The following AKT2 variants were observed in gnomAD, a reference collection of about 807,000 sequenced individuals.
AKT2 encodes AKT serine/threonine kinase 2, also known as RAC-beta serine/threonine-protein kinase.
Under a neutral mutation model 58.6 loss-of-function variants are expected in AKT2, and 16 were observed. The ratio of observed to expected loss-of-function variants is 0.27; its 90% confidence interval spans 0.18 to 0.41. The LOEUF is 0.41. AKT2 is among the 10% of genes least tolerant of loss of function. AKT2 has a pLI of 1.00. For missense variants in AKT2, 438 were observed against 661.0 expected, an observed-to-expected ratio of 0.66 and a Z score of 3.70; for synonymous variants, 253 against 254.0, an observed-to-expected ratio of 1.00 and a Z score of 0.04.
At chr19:40,241,537 A>C (rs1974406060) in intron 6 of AKT2, 2 of 275,662 alleles carry the variant, frequency 7.3e-6, no homozygotes, top group African/African-American at 4.4e-5. Context: ...ATGTCTTTGG[A>C]ATCTTCCACT....
Position 40,240,127 on chromosome 19 carries a change from G to T in AKT2, c.574-17C>A, listed in dbSNP as rs761271203. 7.4e-6 allele frequency: 12 copies of T among 1,613,894 alleles called. No individual in the cohort carries two copies. In the Admixed American group the frequency reaches 2.0e-4, roughly 27 times the overall value. ...GACTTCATCCTGCAGACAGACTGCG[G>T]GTGAGGGGCTGGTGGGCAACACCAC... is the stretch of plus-strand genomic sequence containing the variant. On this transcript the variant is annotated splice_polypyrimidine_tract_variant and intron_variant, in intron 6 of 13. Coordinates refer to ENST00000392038, the MANE Select transcript of AKT2 (RefSeq NM_001626.6).
rs150206349 is a variant in AKT2, at chr19:40,237,990, G to A, written c.810C>T (p.Asp270=). ...TAACCTTGATGTCGCGGTATACCACGTCCCGCGAGTGCAAGTACTCAAGAG... is the reference window on the plus strand; with the variant it reads ...TAACCTTGATGTCGCGGTATACCACATCCCGCGAGTGCAAGTACTCAAGAG... ...VSALEYLHSR[D]VVYRDIKLEN... is the part of the protein sequence containing the mutation. Residue 270 remains aspartate, a synonymous_variant, in exon 9 of 14, where the codon GAC becomes GAT. Coordinates refer to ENST00000392038, the MANE Select transcript of AKT2 (RefSeq NM_001626.6). This position sits in a 1 kb window ranked among gnomAD's most constrained non-coding sequence, Gnocchi z 4.5. 65 of 1,613,480 alleles carry A rather than the reference G, an allele frequency of 4.0e-5. No homozygotes were observed. The highest frequency in any genetic ancestry group is 1.6e-4 in the Middle Eastern group (1 of 6,080).
intron 1 of AKT2, among the ~76,000 whole-genome samples, chr19:40,276,003 C>A (rs1331892260): frequency 2.7e-5 from 4 of 149,116 alleles, no homozygotes; most frequent in African/African-American, 5.0e-5. Context: ...CAGAGCAAGA[C>A]TCCGTCTCAA....
chr19:40,235,033 C>A lies in AKT2; in HGVS notation c.1366+12G>T. ...GGGCAGGCACACCAGCGCGGGGGCC[C>A]CAGGCACTCACAGCGGTCAGGGGGT... On this transcript the variant is annotated intron_variant, in intron 13 of 13. Transcript: ENST00000392038. This position sits in a 1 kb window ranked among gnomAD's most constrained non-coding sequence, Gnocchi z 6.3. 1 of 1,613,616 alleles carries A rather than the reference C, an allele frequency of 6.2e-7. No homozygotes were observed. Among genetic ancestry groups the A allele is most frequent in the Admixed American group, 1.7e-5 (1 of 60,018 alleles).
chr19:40,277,645 T>C (rs959432151), intron 1 of AKT2, among the ~76,000 whole-genome samples: 2 of 152,166 alleles, frequency 1.3e-5, no homozygotes, highest in Admixed American at 6.5e-5. Flanking sequence ...TCGCCTTCCT[T>C]GCGGCCTTTA....
In AKT2 at chr19:40,238,172, C is replaced by A; in HGVS notation, c.709-81G>T. 5 of 1,526,832 alleles carry A rather than the reference C, an allele frequency of 3.3e-6. No individual in the cohort carries two copies. The highest frequency in any genetic ancestry group is 4.4e-6 in the Non-Finnish European group (5 of 1,131,570). 94.6% of individuals were successfully genotyped at this position (1,526,832 alleles called of 1,614,324 possible). ...TCACCTTCCCAGCCCCCTGCCCCAG[C>A]GCAGTGATGTGGTGACACCTGTATC... On this transcript the variant is annotated intron_variant, in intron 8 of 13. Transcript: ENST00000392038. The surrounding 1 kb of genome is among the most constrained non-coding windows in gnomAD (Gnocchi z 5.1).
rs141765661 is a variant in AKT2, at chr19:40,256,595, G to A, written c.175+331C>T. Among the ~76,000 whole-genome samples the A allele has an allele frequency of 4.0e-3, 603 of 152,342 alleles. 2 individuals are homozygous for A. Among genetic ancestry groups the A allele is most frequent in the African/African-American group, 0.014 (582 of 41,582 alleles). On this transcript the variant is annotated intron_variant, in intron 3 of 13. Transcript: ENST00000392038. ...GTCCGAGGGACAGAGGATGGAGGCT[G>A]TTACCAAAGCACAGGATGGGAGGCA...
At chr19:40,248,870 G>C (rs1430384885) in intron 4 of AKT2, among the ~76,000 whole-genome samples, 7 of 136,498 alleles carry the variant, frequency 5.1e-5, no homozygotes, top group African/African-American at 1.7e-4. Flanking sequence ...GGGAGGAGTG[G>C]AGGAGATGAG....
At chr19:40,274,584 T>C (rs1209923001) in intron 1 of AKT2, 1 of 171,866 alleles carries the variant, frequency 5.8e-6, no homozygotes, top group Admixed American at 5.4e-5. Context: ...GAAGATTCAG[T>C]GCAGGGAAAG....
Position 40,280,190 on chromosome 19 carries a change from A to G in AKT2, c.-85+4991T>C, listed in dbSNP as rs533502326. 6.2e-4 allele frequency among the ~76,000 whole-genome samples: 95 copies of G among 152,352 alleles called. 1 individual carries two copies. In the South Asian group the frequency reaches 0.018, roughly 30 times the overall value. On this transcript the variant is annotated intron_variant, in intron 1 of 13. Transcript: ENST00000392038. ...CCCACGGCAGCGTGGACGCAGGGTC[A>G]GCGGGTGCTGTCTGTATCAGGTGTG...
rs76682828 is a variant in AKT2 at position 40,242,305 on chromosome 19, C to G, written c.441+229G>C. On this transcript the variant is annotated intron_variant, in intron 5 of 13. Transcript: ENST00000392038. The surrounding 1 kb of genome is among the most constrained non-coding windows in gnomAD (Gnocchi z 4.3). ...TGACGTGGGGGTAGCCAGGTCTTCA[C>G]CAACTCCCAGGACGAACCTGCAGTG... is the stretch of plus-strand genomic sequence containing the variant. The G allele has an allele frequency of 0.016, 14,189 of 867,770 alleles. 164 individuals carry two copies. Among genetic ancestry groups the G allele is most frequent in the Non-Finnish European group, 0.021 (11,849 of 557,178 alleles). 53.8% of individuals were successfully genotyped at this position (867,770 alleles called of 1,614,324 possible). A position where few individuals can be genotyped will look rare whatever the true frequency, so the allele number is the denominator to read the frequency against.
intron 1 of AKT2, chr19:40,282,400 A>AC: frequency 4.6e-6 from 2 of 437,200 alleles, no homozygotes; most frequent in Non-Finnish European, 4.6e-6. Context: ...TAGCTGTGTC[A>AC]CCCCCTGCAT....
chr19:40,271,601 G>T (rs982283350), intron 1 of AKT2, among the ~76,000 whole-genome samples: 5 of 152,138 alleles, frequency 3.3e-5, no homozygotes, highest in African/African-American at 1.2e-4. Context: ...CCAGCGTCTT[G>T]TGAGAACATT....
chr19:40,274,363 A>C (rs2077271200), intron 1 of AKT2: 1 of 153,318 alleles, frequency 6.5e-6, no homozygotes, highest in Non-Finnish European at 1.5e-5. Context: ...AAAACAAAAA[A>C]TCCTGCATTC....
chr19:40,246,938 G>A (rs912130968), intron 4 of AKT2, among the ~76,000 whole-genome samples: 37 of 152,230 alleles, frequency 2.4e-4, no homozygotes, highest in South Asian at 1.0e-3. Flanking sequence ...CGCGCAGGGC[G>A]GGGTGGAAGG....
At chr19:40,273,404 T>C (rs937492953) in intron 1 of AKT2, 5 of 150,858 alleles carry the variant, frequency 3.3e-5, no homozygotes, top group African/African-American at 1.2e-4. Flanking sequence ...TCACTTTCTA[T>C]ACTGTATGTT....
intron 1 of AKT2, among the ~76,000 whole-genome samples, chr19:40,267,398 T>C (rs1976434219): frequency 6.6e-6 from 1 of 152,142 alleles, no homozygotes; most frequent in Non-Finnish European, 1.5e-5. Flanking sequence ...TGACTCTCCA[T>C]GTTATGCTTC....
intron 4 of AKT2, among the ~76,000 whole-genome samples, chr19:40,251,705 AG>A (rs1468208578): frequency 5.9e-5 from 9 of 152,252 alleles, no homozygotes; most frequent in Non-Finnish European, 1.3e-4. Flanking sequence ...ATCCTTCAAA[AG>A]GTAACTAAAG....
intron 2 of AKT2, among the ~76,000 whole-genome samples, chr19:40,257,322 C>T (rs1975609235): frequency 6.6e-6 from 1 of 152,216 alleles, no homozygotes; most frequent in Admixed American, 6.5e-5. Flanking sequence ...CACCAGTTGC[C>T]TCAGCGTGTG....
Sources: allele counts gnomAD v4.1 joint callset (sites outside exome capture counted in the v4.1 genomes callset), GRCh38; gene constraint gnomAD v4.1.1; non-coding constraint Gnocchi (gnomAD v3.1); transcripts MANE v1.5; gene names NCBI Gene and HGNC (gene_info 2026-07-23, HGNC 2026-07-21).